SIK3: variants seen among roughly 807,000 people sequenced by gnomAD.
SIK3 encodes SIK family kinase 3, also known as serine/threonine-protein kinase SIK3.
In SIK3, 28 loss-of-function variants were observed where a neutral mutation model predicts 144.2. The observed-to-expected ratio is 0.19, with a 90% CI of 0.14 to 0.27. SIK3 has a LOEUF of 0.27. Among genes scored for constraint, SIK3 ranks in the 10% least tolerant of loss-of-function variants. The probability of loss-of-function intolerance (pLI) is 1.00; values close to 1 mark genes in which losing one functional copy is unlikely to be tolerated. For synonymous variants in SIK3, 686 were observed against 676.3 expected, an observed-to-expected ratio of 1.01 and a Z score of -0.22; for missense variants, 1,319 against 1,776.0, an observed-to-expected ratio of 0.74 and a Z score of 4.62.
At chr11:117,034,469 G>A (rs1952404126) in intron 1 of SIK3, among the ~76,000 whole-genome samples, 1 of 152,166 alleles carries the variant, frequency 6.6e-6, no homozygotes, top group Non-Finnish European at 1.5e-5. Context: ...ATGCACAATT[G>A]AAGGGAGAAA....
chr11:117,052,973 A>G (rs1053348402), intron 1 of SIK3, among the ~76,000 whole-genome samples: 1 of 152,186 alleles, frequency 6.6e-6, no homozygotes, highest in Non-Finnish European at 1.5e-5. Flanking sequence ...TGTACTACAT[A>G]CTGATGACAC....
intron 3 of SIK3, chr11:116,950,101 G>A: frequency 2.1e-6 from 1 of 470,848 alleles, no homozygotes; most frequent in Non-Finnish European, 4.4e-6. Context: ...CCCAAGGCAA[G>A]AGTGATCTGG....
intron 17 of SIK3, 44 bp downstream of exon 17, chr11:116,862,158 G>A: frequency 6.2e-7 from 1 of 1,613,878 alleles, no homozygotes; most frequent in Non-Finnish European, 8.5e-7. Flanking sequence ...CAGCCTGAAA[G>A]CAAACTCCAA....
At chr11:117,018,056 T>A (rs1951609109) in intron 1 of SIK3, among the ~76,000 whole-genome samples, 1 of 151,934 alleles carries the variant, frequency 6.6e-6, no homozygotes, top group Middle Eastern at 3.4e-3. Context: ...TCTTCGGGGG[T>A]AATATGAGAA....
At chr11:116,904,012 T>C (rs1284071816) in intron 4 of SIK3, among the ~76,000 whole-genome samples, 3 of 152,250 alleles carry the variant, frequency 2.0e-5, no homozygotes. Flanking sequence ...CATTATTTAC[T>C]AAAGCTTCCT....
chr11:116,997,955 G>A (rs561480580), intron 1 of SIK3, among the ~76,000 whole-genome samples: 1 of 152,162 alleles, frequency 6.6e-6, no homozygotes, highest in African/African-American at 2.4e-5. Flanking sequence ...AAATTCCTGG[G>A]CTCAAGCAAT....
At chr11:116,948,232 C>T (rs1422646941) in intron 3 of SIK3, among the ~76,000 whole-genome samples, 1 of 151,904 alleles carries the variant, frequency 6.6e-6, no homozygotes, top group African/African-American at 2.4e-5. Context: ...GCCACCAAGC[C>T]CAGCTGATTT....
At chr11:116,921,237 T>A (rs1376882339) in intron 4 of SIK3, among the ~76,000 whole-genome samples, 1 of 152,208 alleles carries the variant, frequency 6.6e-6, no homozygotes, top group Non-Finnish European at 1.5e-5. Context: ...ATTTTACTTT[T>A]TTAATAAGAT....
chr11:117,076,530 A>AATTT (rs1344416371), intron 1 of SIK3, among the ~76,000 whole-genome samples: 3 of 151,360 alleles, frequency 2.0e-5, no homozygotes, highest in African/African-American at 7.3e-5. Flanking sequence ...CCTTAAACAC[A>AATTT]ATTTTTTTTT....
intron 4 of SIK3, among the ~76,000 whole-genome samples, chr11:116,910,808 G>T (rs552310520): frequency 6.6e-6 from 1 of 152,086 alleles, no homozygotes; most frequent in African/African-American, 2.4e-5. Flanking sequence ...CAATGTAAGT[G>T]AAAAACAAGA....
Position 117,060,389 on chromosome 11 carries a change from G to C in SIK3, c.273+37754C>G, listed in dbSNP as rs568791837. ...AGGCAGGCGGATCACCTGAGATCAG[G>C]AGTTCGAGACCAACCTGGCCAACAT... is the stretch of plus-strand genomic sequence containing the variant. On this transcript the variant is annotated intron_variant, in intron 1 of 24. Coordinates refer to ENST00000445177, the MANE Select transcript of SIK3 (RefSeq NM_001366686.3). 9.4e-4 allele frequency among the ~76,000 whole-genome samples: 143 copies of C among 152,224 alleles called. 1 individual carries two copies. Among genetic ancestry groups the C allele is most frequent in the African/African-American group, 3.3e-3 (138 of 41,528 alleles).
intron 6 of SIK3, among the ~76,000 whole-genome samples, chr11:116,884,283 CT>C (rs371126840): frequency 1.2e-4 from 18 of 151,168 alleles, no homozygotes; most frequent in African/African-American, 4.1e-4. Context: ...AACCCCTGGG[CT>C]CAAGTGATCC....
intron 1 of SIK3, among the ~76,000 whole-genome samples, chr11:117,066,914 A>C (rs1954050883): frequency 6.6e-6 from 1 of 152,216 alleles, no homozygotes; most frequent in African/African-American, 2.4e-5. Context: ...AAATAAGTAC[A>C]TAAAAAGATA....
In SIK3 at chr11:116,861,890, G is replaced by C; in HGVS notation, c.2266C>G (p.Gln756Glu). Residue 756 changes from glutamine (Q) to glutamate (E), a missense_variant, in exon 18 of 25, where the codon CAG becomes GAG. Transcript: ENST00000445177. ...GCTGGCTGATTTTCACATGCAGCCT[G>C]AAGAGGTGGAGATGGCTGAGGAGGA... is the stretch of plus-strand genomic sequence containing the variant. The part of the protein sequence containing the change: ...ICPPQPSPPL[Q>E]AACENQPALL... The C allele has an allele frequency of 6.2e-7, 1 of 1,612,056 alleles. No homozygotes were observed. The highest frequency in any genetic ancestry group is 8.5e-7 in the Non-Finnish European group (1 of 1,179,232).
intron 1 of SIK3, among the ~76,000 whole-genome samples, chr11:116,969,999 G>A (rs1454171554): frequency 6.6e-6 from 1 of 152,172 alleles, no homozygotes; most frequent in Non-Finnish European, 1.5e-5. Flanking sequence ...GTATCAGCTG[G>A]GCACAGTGGC....
intron 3 of SIK3, among the ~76,000 whole-genome samples, chr11:116,947,288 T>C (rs893458515): frequency 7.7e-6 from 1 of 129,788 alleles, no homozygotes; most frequent in African/African-American, 2.9e-5. Flanking sequence ...AGTCAGAGAA[T>C]ATGCTACAAC....
chr11:116,898,389 G>T (rs1215746739), intron 4 of SIK3, among the ~76,000 whole-genome samples: 1 of 151,428 alleles, frequency 6.6e-6, no homozygotes, highest in African/African-American at 2.4e-5. Context: ...GGACATTTGG[G>T]TTGGTTCCAA....
chr11:116,874,551 C>G (rs1019634815), intron 11 of SIK3, among the ~76,000 whole-genome samples: 1 of 152,252 alleles, frequency 6.6e-6, no homozygotes, highest in Non-Finnish European at 1.5e-5. Context: ...CATCTTTCCA[C>G]TAACAGAGCG....
At position 116,846,462 on chromosome 11, in the gene SIK3, A is replaced by G. The variant is rs139162743; in HGVS notation, c.4044T>C (p.Ile1348=). The G allele has an allele frequency of 4.3e-6, 7 of 1,614,098 alleles. No individual in the cohort carries two copies. In the Admixed American group the frequency reaches 1.2e-4, roughly 27 times the overall value. ...LNSSCYPSTC[I]TDILLSYKHP... ...GCTTGTAGCTGAGCAGAATGTCTGT[A>G]ATACACGTAGATGGATAGCAAGAGG... Residue 1348 remains isoleucine, a synonymous_variant, in exon 24 of 25, where the codon ATT becomes ATC. Transcript: ENST00000445177. This position sits in a 1 kb window ranked among gnomAD's most constrained non-coding sequence, Gnocchi z 4.1.
Sources: allele counts gnomAD v4.1 joint callset (sites outside exome capture counted in the v4.1 genomes callset), GRCh38; gene constraint gnomAD v4.1.1; non-coding constraint Gnocchi (gnomAD v3.1); transcripts MANE v1.5; gene names NCBI Gene and HGNC (gene_info 2026-07-23, HGNC 2026-07-21).